ELMOD2: variants seen among roughly 807,000 people sequenced by gnomAD.
ELMOD2 encodes the protein ELMO domain containing 2, also known as ELMO domain-containing protein 2.
ELMOD2 carries 28 observed loss-of-function variants against 41.0 expected under a neutral mutation model. The ratio of observed to expected loss-of-function variants is 0.68; its 90% CI spans 0.51 to 0.94. ELMOD2 has a LOEUF of 0.94. Among genes scored for constraint, ELMOD2 ranks in the 40% least tolerant of loss-of-function variants. ELMOD2 has a pLI of 0.00. For synonymous variants in ELMOD2, 106 were observed against 107.2 expected (o/e 0.99, Z 0.07); for missense variants, 333 against 343.1 (o/e 0.97, Z 0.23).
chr4:140,536,780 T>A (rs1313553881), intron 4 of ELMOD2, among the ~76,000 whole-genome samples: 1 of 152,076 alleles, frequency 6.6e-6, no homozygotes, highest in East Asian at 1.9e-4. Flanking sequence ...GAATAAAGAA[T>A]AGGAAATTTG....
At chr4:140,526,843 GCA>G (rs1467892829) in intron 2 of ELMOD2, 3 of 152,314 alleles carry the variant, frequency 2.0e-5, no homozygotes, top group Non-Finnish European at 4.4e-5. Flanking sequence ...ATATATAAAG[GCA>G]TTTGTTTGTG....
rs76264822 is a variant in ELMOD2 at position 140,540,014 on chromosome 4, A to G, written c.400-154A>G. ...CTTTATACCAGTCTTTTTAATGGGA[A>G]TAAATGTGCTGCGTGTTTTAGGATA... On this transcript the variant is annotated intron_variant, in intron 5 of 8. Coordinates refer to ENST00000323570, the MANE Select transcript of ELMOD2 (RefSeq NM_153702.4). 0.024 allele frequency among the ~76,000 whole-genome samples: 3,592 copies of G among 152,304 alleles called. 179 individuals are homozygous for G. The highest frequency in any genetic ancestry group is 0.22 in the East Asian group (1,164 of 5,176).
At position 140,537,485 on chromosome 4, in the gene ELMOD2, G is replaced by C. The variant is rs772893341; in HGVS notation, c.343G>C (p.Val115Leu). The change falls in exon 5 of 9, where the codon GTG becomes CTG. Residue 115 changes from valine to leucine, a missense_variant. Val to Leu is a conservative substitution (Grantham distance 32). Transcript: ENST00000323570. ...YKQLYLDVES[V>L]RKRPYDSDNL... Reference sequence around the variant, plus strand: ...ACAGCTGTATTTGGATGTAGAAAGTGTGAGGAAAAGGCCATATGATTCTGA... The same window carrying C: ...ACAGCTGTATTTGGATGTAGAAAGTCTGAGGAAAAGGCCATATGATTCTGA... The C allele has an allele frequency of 1.0e-4, 164 of 1,586,376 alleles. No homozygotes were observed. The highest frequency in any genetic ancestry group is 1.3e-4 in the Non-Finnish European group (149 of 1,168,764).
intron 5 of ELMOD2, among the ~76,000 whole-genome samples, 176 bp downstream of exon 5, chr4:140,537,717 G>A (rs1734979359): frequency 6.6e-6 from 1 of 150,574 alleles, no homozygotes; most frequent in African/African-American, 2.4e-5. Flanking sequence ...TTTTAGTTAG[G>A]TATTTTTATC....
intron 8 of ELMOD2, among the ~76,000 whole-genome samples, chr4:140,547,980 G>A (rs931368357): frequency 6.6e-6 from 1 of 152,066 alleles, no homozygotes; most frequent in Non-Finnish European, 1.5e-5. Flanking sequence ...TTTTTCCTGT[G>A]GTTTCCTGAT....
At chr4:140,526,489 T>G (rs899896962) in intron 2 of ELMOD2, among the ~76,000 whole-genome samples, 1 of 152,214 alleles carries the variant, frequency 6.6e-6, no homozygotes, top group African/African-American at 2.4e-5. Context: ...GCTCATGCTC[T>G]CTGTGTTAAA....
At position 140,542,593 on chromosome 4, in the gene ELMOD2, A is replaced by G. The variant is rs748555886; in HGVS notation, c.553A>G (p.Thr185Ala). 3 of 1,606,064 alleles carry G rather than the reference A, an allele frequency of 1.9e-6. No homozygotes were observed. Among genetic ancestry groups the G allele is most frequent in the East Asian group, 2.2e-5 (1 of 44,556 alleles). The stretch of plus-strand genomic sequence containing the variant: ...TTTTAGGTATTTCAGTGAAAATTAC[A>G]CTAGTGAAGCTCATCAGATTCTTTC... The part of the protein sequence containing the change: ...INLVYFSENY[T>A]SEAHQILSRS... The change falls in exon 7 of 9, where the codon ACT (threonine) becomes GCT (alanine). Residue 185 changes from threonine to alanine, a missense_variant. Transcript: ENST00000323570.
At chr4:140,525,100 A>T in intron 1 of ELMOD2, 2 of 191,430 alleles carry the variant, frequency 1.0e-5, no homozygotes, top group Non-Finnish European at 2.1e-5. Context: ...AAGAATGGGA[A>T]GTTAGGAAAC....
At chr4:140,536,857 T>C (rs1415371686) in intron 4 of ELMOD2, among the ~76,000 whole-genome samples, 1 of 151,882 alleles carries the variant, frequency 6.6e-6, no homozygotes, top group Non-Finnish European at 1.5e-5. Context: ...GAGGATTGCT[T>C]TGAAGGACAT....
intron 3 of ELMOD2, among the ~76,000 whole-genome samples, chr4:140,532,571 G>C (rs1392585330): frequency 6.6e-6 from 1 of 152,182 alleles, no homozygotes; most frequent in Non-Finnish European, 1.5e-5. Context: ...TGTTTTGACA[G>C]AATTCAGTAC....
chr4:140,525,414 C>A lies in ELMOD2; in HGVS notation c.-9-6C>A, dbSNP rs368666273. The A allele has an allele frequency of 1.2e-6, 2 of 1,610,646 alleles. No individual in the cohort carries two copies. The highest frequency in any genetic ancestry group is 2.7e-5 in the African/African-American group (2 of 74,544). ...TAAGCTTGTCTTGTATGTTTCCCTC[C>A]TCCAGGAAAAAAAAATGTTTATTTC... On this transcript the variant is annotated splice_region_variant and splice_polypyrimidine_tract_variant and intron_variant, in intron 1 of 8. Transcript: ENST00000323570.
intron 3 of ELMOD2, among the ~76,000 whole-genome samples, chr4:140,529,395 C>T (rs942244261): frequency 7.2e-5 from 11 of 152,132 alleles, no homozygotes; most frequent in Admixed American, 2.0e-4. Context: ...CTTTAAGCCT[C>T]GACATTGTAA....
chr4:140,535,558 A>G (rs1333938024), intron 3 of ELMOD2, 175 bp from the exon 4 acceptor site: 4 of 496,386 alleles, frequency 8.1e-6, no homozygotes, highest in Non-Finnish European at 1.4e-5. Context: ...TTATAAAACT[A>G]TATATATATA....
At chr4:140,549,709 TTTGA>T (rs1735408658) in intron 8 of ELMOD2, among the ~76,000 whole-genome samples, 1 of 132,164 alleles carries the variant, frequency 7.6e-6, no homozygotes, top group Non-Finnish European at 1.6e-5. Flanking sequence ...TTTTTTTTTT[TTTGA>T]GATAGGTTCT....
chr4:140,525,457 A>G lies in ELMOD2; in HGVS notation c.29A>G (p.Tyr10Cys), dbSNP rs201983750. ...TTTATTTCTTTGTGGGAGTTCTTCT[A>G]TGGGCACTTTTTTCGATTTTGGATG... The part of the protein sequence containing the change: MFISLWEFF[Y>C]GHFFRFWMKW... The change falls in exon 2 of 9, where the codon TAT (tyrosine) becomes TGT (cysteine). Residue 10 changes from tyrosine (Y) to cysteine (C), a missense_variant. Coordinates refer to ENST00000323570, the MANE Select transcript of ELMOD2 (RefSeq NM_153702.4). 3.5e-5 allele frequency: 57 copies of G among 1,613,772 alleles called. No individual in the cohort carries two copies. Among genetic ancestry groups the G allele is most frequent in the East Asian group, 2.0e-4 (9 of 44,816 alleles).
At position 140,540,291 on chromosome 4, in the gene ELMOD2, A is replaced by G; in HGVS notation, c.523A>G (p.Ile175Val). Residue 175 changes from isoleucine to valine, a missense_variant, in exon 6 of 9, where the codon ATC becomes GTC. Coordinates refer to ENST00000323570, the MANE Select transcript of ELMOD2 (RefSeq NM_153702.4). ...CAGAGGCATGGGCATACTTGGGTTA[A>G]TCAATCTTGTGTAAGTGAAAGTAAA... ...DFRGMGILGL[I>V]NLVYFSENYT... The G allele has an allele frequency of 6.2e-7, 1 of 1,613,500 alleles. No individual in the cohort carries two copies. The highest frequency in any genetic ancestry group is 8.5e-7 in the Non-Finnish European group (1 of 1,179,850).
chr4:140,549,361 G>A (rs1456510513), intron 8 of ELMOD2, among the ~76,000 whole-genome samples: 3 of 151,890 alleles, frequency 2.0e-5, no homozygotes, highest in South Asian at 4.2e-4. Flanking sequence ...ACATATATGT[G>A]TGTGTGTGTG....
intron 2 of ELMOD2, 24 bp downstream of exon 2, chr4:140,525,594 G>A: frequency 6.3e-7 from 1 of 1,584,624 alleles, no homozygotes; most frequent in Non-Finnish European, 8.5e-7. Context: ...AAAAGAAAAA[G>A]TACTAATAAA....
intron 3 of ELMOD2, chr4:140,528,060 G>A (rs1734627820): frequency 6.6e-6 from 1 of 152,228 alleles, no homozygotes; most frequent in African/African-American, 2.4e-5. Context: ...CTCAGGTAGG[G>A]GGTTAACAGG....
Sources: allele counts gnomAD v4.1 joint callset (sites outside exome capture counted in the v4.1 genomes callset), GRCh38; gene constraint gnomAD v4.1.1; transcripts MANE v1.5; gene names NCBI Gene and HGNC (gene_info 2026-07-23, HGNC 2026-07-21).